The following ZNF606 variants were observed in gnomAD, a reference collection of about 807,000 sequenced individuals.
The protein encoded by ZNF606 is zinc finger protein 328.
Under a neutral mutation model 74.9 loss-of-function variants are expected in ZNF606, and 37 were observed. That is an observed-to-expected ratio of 0.49 (90% CI 0.38 to 0.65). The LOEUF (loss-of-function observed/expected upper bound fraction) is 0.65, where lower values mean the gene tolerates loss of function less well. Among genes scored for constraint, ZNF606 ranks in the 30% least tolerant of loss-of-function variants. The pLI is 0.00. For missense variants in ZNF606, 852 were observed against 952.9 expected, an observed-to-expected ratio of 0.89 and a Z score of 1.39; for synonymous variants, 328 against 312.4, an observed-to-expected ratio of 1.05 and a Z score of -0.53.
chr19:57,983,537 C>A (rs1202784139), intron 6 of ZNF606, among the ~76,000 whole-genome samples: 1 of 150,926 alleles, frequency 6.6e-6, no homozygotes, highest in Non-Finnish European at 1.5e-5. Context: ...AAGACCACAC[C>A]ATTGCACTCC....
chr19:58,002,970 G>C (rs928725378), upstream of ZNF606: 1 of 455,792 alleles, frequency 2.2e-6, no homozygotes, highest in African/African-American at 2.0e-5. Context: ...CGTCGAAGCC[G>C]GCGGCAGGAT....
At chr19:58,000,763 A>G in intron 2 of ZNF606, 24 bp from the exon 3 acceptor site, 7 of 1,550,886 alleles carry the variant, frequency 4.5e-6, no homozygotes, top group South Asian at 2.4e-5. Flanking sequence ...TCAGGTTAGG[A>G]CTGTGACACC....
Position 58,001,428 on chromosome 19 carries a change from G to A in ZNF606, c.-51-58C>T, listed in dbSNP as rs1435995095. 9.5e-6 allele frequency: 13 copies of A among 1,368,184 alleles called. No individual in the cohort carries two copies. In the East Asian group the frequency reaches 2.7e-4, roughly 28 times the overall value. The allele number at this position is 1,368,184 out of a possible 1,614,324, so 84.8% of individuals were successfully genotyped here. A position where few individuals can be genotyped will look rare whatever the true frequency, so the allele number is the denominator to read the frequency against. ...TCCTTTCTCACAGAAGACCAAGTGG[G>A]AACAAAGAAGGGAATCCATCCACCG... On this transcript the variant is annotated intron_variant, in intron 1 of 6. Transcript: ENST00000551380.
At chr19:57,992,951 C>A (rs1348725103) in intron 4 of ZNF606, among the ~76,000 whole-genome samples, 2 of 152,202 alleles carry the variant, frequency 1.3e-5, no homozygotes, top group African/African-American at 4.8e-5. Context: ...AGGAACTTTA[C>A]AGATATAATT....
intron 6 of ZNF606, among the ~76,000 whole-genome samples, chr19:57,984,529 C>CT (rs2073136299): frequency 6.6e-6 from 1 of 152,200 alleles, no homozygotes; most frequent in Non-Finnish European, 1.5e-5. Context: ...CAAGAAGAGG[C>CT]TGTGGCACAT....
Position 57,978,564 on chromosome 19 carries a change from T to C in ZNF606, c.2116A>G (p.Lys706Glu). Reference protein sequence around the residue: ...IAHRRTHTGEKPYRCNECGKA... With the variant: ...IAHRRTHTGEEPYRCNECGKA... ...CCACATTCATTACACCTGTATGGTT[T>C]CTCTCCAGTATGAGTTCTCCGGTGT... The change falls in exon 7 of 7, where the codon AAA becomes GAA. Residue 706 changes from lysine (K) to glutamate (E), a missense_variant. Transcript: ENST00000551380. The surrounding 1 kb of genome is among the most constrained non-coding windows in gnomAD (Gnocchi z 4.4). The C allele has an allele frequency of 6.2e-7, 1 of 1,614,182 alleles. No homozygotes were observed.
rs1414445609 is a variant in ZNF606 at position 57,999,870 on chromosome 19, G to T, written c.115C>A (p.His39Asn). 1 of 1,613,882 alleles carries T rather than the reference G, an allele frequency of 6.2e-7. No homozygotes were observed. The highest frequency in any genetic ancestry group is 1.3e-5 in the African/African-American group (1 of 74,920). The change falls in exon 4 of 7, where the codon CAC becomes AAC. Residue 39 changes from histidine (H) to asparagine (N), a missense_variant. By Grantham distance (68) the His-to-Asn change is moderately conservative (BLOSUM62 1). Around this residue, in one of 3 missense-constraint regions of ZNF606, gnomAD observed 545 missense variants for 542.5 expected, o/e 1.00. Coordinates refer to ENST00000551380, the MANE Select transcript of ZNF606 (RefSeq NM_001348022.3). ...WALCPQYPAW[H>N]VEGSLEEGRR... Reference sequence around the variant, plus strand: ...CCCTCCTCCAGGCTTCCCTCCACGTGCCAGGCAGGATACTGAGGACACAGA... The same window carrying T: ...CCCTCCTCCAGGCTTCCCTCCACGTTCCAGGCAGGATACTGAGGACACAGA...
In ZNF606 at chr19:57,988,508, C is replaced by G; in HGVS notation, c.304+87G>C. ...CTCAGCTCTTCTGAGACACCACCCT[C>G]GCCCCTGCAATGAGCTTCTAAACAT... On this transcript the variant is annotated intron_variant, in intron 5 of 6. Transcript: ENST00000551380. The G allele has an allele frequency of 3.2e-6, 5 of 1,539,872 alleles. No homozygotes were observed. The South Asian group carries it at 3.8e-5, about 12-fold the overall frequency.
intron 4 of ZNF606, among the ~76,000 whole-genome samples, chr19:57,993,631 A>G (rs1293898195): frequency 1.3e-5 from 2 of 152,238 alleles, no homozygotes; most frequent in African/African-American, 4.8e-5. Flanking sequence ...TAGTACTGCC[A>G]GCAGCCATGT....
upstream of ZNF606, chr19:58,002,962 T>C (rs947902765): frequency 6.6e-5 from 30 of 455,818 alleles, no homozygotes; most frequent in Non-Finnish European, 1.3e-4. Context: ...GGCACCTGCG[T>C]CGAAGCCGGC....
intron 1 of ZNF606, among the ~76,000 whole-genome samples, chr19:58,001,594 A>T (rs958451908): frequency 2.6e-5 from 4 of 152,222 alleles, no homozygotes; most frequent in African/African-American, 9.6e-5. Flanking sequence ...GAGGGTACAA[A>T]TTTGTCAGCT....
chr19:57,999,844 C>G lies in ZNF606; in HGVS notation c.141G>C (p.Gly47=), dbSNP rs891247031. The G allele has an allele frequency of 3.7e-5, 60 of 1,613,918 alleles. No individual in the cohort carries two copies. The highest frequency in any genetic ancestry group is 4.9e-5 in the Non-Finnish European group (58 of 1,180,028). Residue 47 remains glycine, a synonymous_variant, in exon 4 of 7, where the codon GGG becomes GGC. Coordinates refer to ENST00000551380, the MANE Select transcript of ZNF606 (RefSeq NM_001348022.3). ...CTGCTGGGAGCCCAGTGGCCCTCCT[C>G]CCCTCCTCCAGGCTTCCCTCCACGT... is the stretch of plus-strand genomic sequence containing the variant. ...AWHVEGSLEE[G]RRATGLPAAQ...
At chr19:57,995,404 A>C (rs1036521523) in intron 4 of ZNF606, among the ~76,000 whole-genome samples, 1 of 152,114 alleles carries the variant, frequency 6.6e-6, no homozygotes, top group African/African-American at 2.4e-5. Context: ...GCACTTCTCT[A>C]ATGGATACAC....
chr19:57,996,995 T>G (rs980163604), intron 4 of ZNF606, among the ~76,000 whole-genome samples: 5 of 152,214 alleles, frequency 3.3e-5, no homozygotes, highest in Non-Finnish European at 1.5e-5. Flanking sequence ...GGGTCTCAGA[T>G]GTTTGCTGAC....
At chr19:57,981,621 G>A (rs2073087269) in intron 6 of ZNF606, among the ~76,000 whole-genome samples, 1 of 152,196 alleles carries the variant, frequency 6.6e-6, no homozygotes, top group Non-Finnish European at 1.5e-5. Flanking sequence ...GGGGTGTTTA[G>A]AGAGTATCAC....
At chr19:57,999,931 T>G in intron 3 of ZNF606, 35 bp from the exon 4 acceptor site, 21 of 1,594,198 alleles carry the variant, frequency 1.3e-5, no homozygotes, top group Non-Finnish European at 1.7e-5. Flanking sequence ...GAGGCAGCTC[T>G]CGCTGCCAGG....
chr19:57,999,242 T>C (rs1004884791), intron 4 of ZNF606: 1 of 152,888 alleles, frequency 6.5e-6, no homozygotes, highest in African/African-American at 2.4e-5. Flanking sequence ...CCCTCCACAG[T>C]AAAAGCTGAG....
intron 4 of ZNF606, among the ~76,000 whole-genome samples, chr19:57,992,071 C>A (rs139991116): frequency 1.8e-3 from 276 of 152,258 alleles, no homozygotes; most frequent in South Asian, 3.5e-3. Flanking sequence ...TCCCACCCCT[C>A]CCAAGACCCC....
intron 6 of ZNF606, 85 bp from the exon 7 acceptor site, chr19:57,980,364 A>G: frequency 7.3e-7 from 1 of 1,369,270 alleles, no homozygotes; most frequent in Non-Finnish European, 9.9e-7. Flanking sequence ...TGTCCATATT[A>G]TCAAAAACAC....
Sources: gnomAD v4.1 joint callset for allele counts (sites outside exome capture counted in the v4.1 genomes callset) on GRCh38, gnomAD v4.1.1 for gene constraint, gnomAD v4.1.1 regional missense constraint, Gnocchi (gnomAD v3.1) non-coding constraint, MANE v1.5 for transcripts, NCBI Gene and HGNC (gene_info 2026-07-23, HGNC 2026-07-21) for gene names.